Variants in COL6A5 observed in about 807,000 individuals in gnomAD.
The protein encoded by COL6A5 is collagen type VI alpha 5 chain.
Under a neutral mutation model 65.6 loss-of-function variants are expected in COL6A5, and 48 were observed. The observed-to-expected ratio is 0.73, with a 90% CI of 0.58 to 0.93. The LOEUF (loss-of-function observed/expected upper bound fraction) is 0.93. COL6A5 is among the 40% of genes least tolerant of loss of function. The probability of loss-of-function intolerance (pLI) is 0.00; values close to 1 mark genes in which losing one functional copy is unlikely to be tolerated. For synonymous variants in COL6A5, 291 were observed against 322.8 expected, an observed-to-expected ratio of 0.90 and a Z score of 1.05; for missense variants, 914 against 928.3, an observed-to-expected ratio of 0.98 and a Z score of 0.20.
At chr3:130,437,012 C>T (rs979918168) in intron 1 of COL6A5, among the ~76,000 whole-genome samples, 1 of 152,140 alleles carries the variant, frequency 6.6e-6, no homozygotes, top group African/African-American at 2.4e-5. Flanking sequence ...TTAACCACAT[C>T]TAAAATGAAG....
intron 1 of COL6A5, among the ~76,000 whole-genome samples, chr3:130,368,752 A>G (rs1252965300): frequency 6.6e-6 from 1 of 152,062 alleles, no homozygotes; most frequent in Non-Finnish European, 1.5e-5. Context: ...AGTAATGAAA[A>G]CCAAAGGAAG....
intron 1 of COL6A5, among the ~76,000 whole-genome samples, chr3:130,363,106 GT>G (rs933269601): frequency 6.6e-6 from 1 of 151,670 alleles, no homozygotes; most frequent in African/African-American, 2.4e-5. Flanking sequence ...ACTCTTTTCT[GT>G]TTTTTTGTGG....
At chr3:130,353,975 T>G (rs1356994563) in intron 1 of COL6A5, among the ~76,000 whole-genome samples, 1 of 151,372 alleles carries the variant, frequency 6.6e-6, no homozygotes, top group Non-Finnish European at 1.5e-5. Flanking sequence ...AAAGAACATC[T>G]GAATTCACAG....
intron 8 of COL6A5, 134 bp downstream of exon 8, chr3:130,395,599 C>A: frequency 1.3e-6 from 1 of 750,358 alleles, no homozygotes; most frequent in Non-Finnish European, 2.2e-6. Flanking sequence ...ACTTGTTGTG[C>A]AATGAGAAGA....
rs1934463818 is a variant in COL6A5, at chr3:130,346,076, G to T, written c.-29+95G>T. ...TGTGAGAAGGATTCTCCTTTCTGGT[G>T]ATTTGCACCTGTTGACGCCCCCAAA... On this transcript the variant is annotated intron_variant and NMD_transcript_variant, in intron 1 of 41. Transcript: ENST00000312481. 3 of 398,000 alleles carry T rather than the reference G, an allele frequency of 7.5e-6. No individual in the cohort carries two copies. The Admixed American group carries it at 1.3e-4, about 18-fold the overall frequency. The allele number at this position is 398,000 out of a possible 1,614,324, so 24.7% of individuals were successfully genotyped here. A position where few individuals can be genotyped will look rare whatever the true frequency, so the allele number is the denominator to read the frequency against.
chr3:130,409,865 A>G (rs1003647849), intron 18 of COL6A5, 144 bp from the exon 19 acceptor site: 2 of 572,350 alleles, frequency 3.5e-6, no homozygotes, highest in Admixed American at 3.2e-5. Context: ...TTTTTTCCAA[A>G]ATCCTGTGAG....
At chr3:130,454,242 A>AG (rs1709513025) in intron 4 of COL6A5, among the ~76,000 whole-genome samples, 1 of 43,242 alleles carries the variant, frequency 2.3e-5, no homozygotes, top group Non-Finnish European at 1.1e-4. Flanking sequence ...TTTAAAAACC[A>AG]AAAAAAGGTA....
At chr3:130,362,279 TG>T (rs1344546095) in intron 1 of COL6A5, among the ~76,000 whole-genome samples, 1 of 135,464 alleles carries the variant, frequency 7.4e-6, no homozygotes, top group Non-Finnish European at 1.5e-5. Context: ...TCTTTGTCTC[TG>T]TCTTTCTCCA....
At chr3:130,432,508 G>A (rs1424528114) in intron 1 of COL6A5, among the ~76,000 whole-genome samples, 5 of 149,332 alleles carry the variant, frequency 3.3e-5, no homozygotes, top group South Asian at 4.2e-4. Context: ...CCGAAATGGC[G>A]CCACTACACT....
chr3:130,441,556 T>C (rs1308779801), intron 3 of COL6A5, among the ~76,000 whole-genome samples: 1 of 150,662 alleles, frequency 6.6e-6, no homozygotes, highest in Non-Finnish European at 1.5e-5. Flanking sequence ...TTGAACAGGA[T>C]GTATCAGTCT....
intron 7 of COL6A5, 136 bp from the exon 8 acceptor site, chr3:130,394,752 TTC>T: frequency 3.2e-6 from 2 of 633,696 alleles, no homozygotes; most frequent in Non-Finnish European, 5.3e-6. Context: ...GGATCAGTGA[TTC>T]TCTCTCTTGT....
intron 31 of COL6A5, 55 bp downstream of exon 31, chr3:130,426,458 G>C: frequency 6.6e-7 from 1 of 1,508,462 alleles, no homozygotes; most frequent in South Asian, 1.2e-5. Flanking sequence ...AGGCACTTAG[G>C]ACTGTATGCA....
chr3:130,404,358 C>T (rs1296117439), intron 13 of COL6A5, among the ~76,000 whole-genome samples: 5 of 152,144 alleles, frequency 3.3e-5, no homozygotes, highest in Non-Finnish European at 5.9e-5. Flanking sequence ...AAGTCCAGTT[C>T]CTCATCTGGG....
At chr3:130,409,416 G>T in intron 18 of COL6A5, 28 bp downstream of exon 18, 1 of 1,525,620 alleles carries the variant, frequency 6.6e-7, no homozygotes, top group Non-Finnish European at 8.9e-7. Flanking sequence ...AGTTGGCTCT[G>T]AATTTTATAC....
At chr3:130,373,096 C>G (rs1049526632) in intron 1 of COL6A5, among the ~76,000 whole-genome samples, 2 of 152,158 alleles carry the variant, frequency 1.3e-5, no homozygotes, top group Non-Finnish European at 2.9e-5. Context: ...AAGGAAGAGA[C>G]GTGTAGCTGT....
exon 6 of COL6A5, chr3:130,468,796 A>G (rs1709876920): frequency 3.1e-6 from 5 of 1,603,382 alleles, no homozygotes; most frequent in Non-Finnish European, 4.3e-6. Context: ...CTGTTGCAGG[A>G]CATGAAAATT....
chr3:130,452,824 T>C (rs539582326), intron 4 of COL6A5, among the ~76,000 whole-genome samples: 7 of 152,206 alleles, frequency 4.6e-5, no homozygotes, highest in South Asian at 2.1e-4. Flanking sequence ...GTTTCGACCA[T>C]AGAATACGGC....
At chr3:130,459,708 G>T (rs1412595271) in intron 5 of COL6A5, among the ~76,000 whole-genome samples, 3 of 151,222 alleles carry the variant, frequency 2.0e-5, no homozygotes, top group Non-Finnish European at 4.4e-5. Context: ...CTTATTACAT[G>T]TCCAAGATTC....
chr3:130,451,436 G>T (rs1022146794), intron 4 of COL6A5, among the ~76,000 whole-genome samples: 2 of 152,090 alleles, frequency 1.3e-5, no homozygotes, highest in Non-Finnish European at 1.5e-5. Flanking sequence ...TGTGAAGAAG[G>T]GTACAGAGAA....
Sources: gnomAD v4.1 joint callset for allele counts (sites outside exome capture counted in the v4.1 genomes callset) on GRCh38, gnomAD v4.1.1 for gene constraint, MANE v1.5 for transcripts, NCBI Gene and HGNC (gene_info 2026-07-23, HGNC 2026-07-21) for gene names.